SPTBN1: variants seen among roughly 807,000 people sequenced by gnomAD.
SPTBN1 encodes the protein spectrin beta, non-erythrocytic 1, also known as spectrin beta chain, non-erythrocytic 1.
In SPTBN1, 32 loss-of-function variants were observed where a neutral mutation model predicts 266.4. That is an observed-to-expected ratio of 0.12 (90% CI 0.09 to 0.16). The LOEUF is 0.16. SPTBN1 is among the 10% of genes least tolerant of loss of function. The pLI is 1.00. For synonymous variants in SPTBN1, 1,336 were observed against 1,162.2 expected, an observed-to-expected ratio of 1.15 and a Z score of -3.04; for missense variants, 2,296 against 3,067.1, an observed-to-expected ratio of 0.75 and a Z score of 5.94.
chr2:54,584,113 G>A (rs189829723), intron 2 of SPTBN1, among the ~76,000 whole-genome samples: 78 of 152,190 alleles, frequency 5.1e-4, no homozygotes, highest in Admixed American at 2.8e-3. Context: ...ATATACATTC[G>A]TAGGATCATA....
At chr2:54,657,750 A>G (rs1374378795) in intron 29 of SPTBN1, 100 bp from the exon 30 acceptor site, 7 of 1,359,318 alleles carry the variant, frequency 5.1e-6, no homozygotes, top group Non-Finnish European at 6.2e-6. Flanking sequence ...CTGGTTATGC[A>G]GGTAGCCATC....
chr2:54,490,949 A>T (rs1260990700), intron 1 of SPTBN1, among the ~76,000 whole-genome samples: 1 of 152,206 alleles, frequency 6.6e-6, no homozygotes, highest in East Asian at 1.9e-4. Context: ...AAACTCTTGC[A>T]TGCCTTGAGA....
At chr2:54,479,491 T>G (rs1477325227) in intron 1 of SPTBN1, among the ~76,000 whole-genome samples, 2 of 152,306 alleles carry the variant, frequency 1.3e-5, no homozygotes, top group African/African-American at 4.8e-5. Context: ...GGTGAACACA[T>G]AATTTATTAT....
chr2:54,627,147 TC>T (rs1467147089), intron 12 of SPTBN1, among the ~76,000 whole-genome samples: 2 of 152,218 alleles, frequency 1.3e-5, no homozygotes, highest in African/African-American at 2.4e-5. Context: ...CTTGGACTGT[TC>T]CTGACAGAGG....
intron 2 of SPTBN1, among the ~76,000 whole-genome samples, chr2:54,532,203 C>G (rs56726104): frequency 1.3e-5 from 2 of 151,958 alleles, no homozygotes; most frequent in African/African-American, 4.8e-5. Flanking sequence ...ACAGGAGAAT[C>G]GGTTGAACCT....
intron 2 of SPTBN1, among the ~76,000 whole-genome samples, chr2:54,550,870 G>C (rs922544910): frequency 5.3e-5 from 8 of 152,178 alleles, no homozygotes; most frequent in African/African-American, 1.7e-4. Flanking sequence ...CCATGGATGG[G>C]GCTGAGAACG....
intron 2 of SPTBN1, among the ~76,000 whole-genome samples, chr2:54,542,272 A>C (rs1226276903): frequency 1.3e-5 from 2 of 152,250 alleles, no homozygotes; most frequent in Non-Finnish European, 2.9e-5. Context: ...AGGCCAAGCA[A>C]GCAGTGCCAT....
Position 54,653,436 on chromosome 2 carries a change from C to T in SPTBN1, c.5578-173C>T, listed in dbSNP as rs1680436361. On this transcript the variant is annotated intron_variant, in intron 26 of 35. Transcript: ENST00000356805. The surrounding 1 kb of genome is among the most constrained non-coding windows in gnomAD (Gnocchi z 5.1). ...TGTAGTTGAACAGATTTATAGAAAA[C>T]GGGTTTTTGTGACTTGGATCTCCCC... 10 of 947,610 alleles carry T rather than the reference C, an allele frequency of 1.1e-5. No individual in the cohort carries two copies. Among genetic ancestry groups the T allele is most frequent in the East Asian group, 2.6e-5 (1 of 38,342 alleles). 58.7% of individuals were successfully genotyped at this position (947,610 alleles called of 1,614,324 possible). A position where few individuals can be genotyped will look rare whatever the true frequency, so the allele number is the denominator to read the frequency against.
intron 2 of SPTBN1, among the ~76,000 whole-genome samples, chr2:54,531,581 G>A (rs1406274446): frequency 6.6e-6 from 1 of 151,698 alleles, no homozygotes; most frequent in East Asian, 1.9e-4. Flanking sequence ...GTGCCACAAA[G>A]CCTGGCTATA....
chr2:54,513,999 G>A (rs1005070933), intron 1 of SPTBN1, among the ~76,000 whole-genome samples: 3 of 152,198 alleles, frequency 2.0e-5, no homozygotes, highest in African/African-American at 7.2e-5. Flanking sequence ...AGTATTATAT[G>A]TAAGCGGAGA....
At chr2:54,462,212 T>G (rs1476574010) in intron 1 of SPTBN1, among the ~76,000 whole-genome samples, 8 of 152,254 alleles carry the variant, frequency 5.3e-5, no homozygotes, top group Non-Finnish European at 1.0e-4. Context: ...AGTTGTTTCC[T>G]TTCTGTTGGG....
intron 2 of SPTBN1, among the ~76,000 whole-genome samples, chr2:54,569,038 C>G (rs1161631375): frequency 1.3e-5 from 2 of 152,150 alleles, no homozygotes; most frequent in Admixed American, 1.3e-4. Flanking sequence ...TGTGAAATAT[C>G]TGTTACATGG....
At chr2:54,665,892 G>T (rs769209314) in intron 33 of SPTBN1, 23 bp from the exon 34 acceptor site, 12 of 1,596,372 alleles carry the variant, frequency 7.5e-6, no homozygotes, top group Non-Finnish European at 3.4e-6. Flanking sequence ...ATCTCCCCCT[G>T]CCCTTTTTTT....
chr2:54,593,089 C>T (rs1675797359), intron 2 of SPTBN1, among the ~76,000 whole-genome samples: 1 of 152,200 alleles, frequency 6.6e-6, no homozygotes, highest in Admixed American at 6.5e-5. Context: ...TTTACTCCTT[C>T]TGGGAATCAG....
Position 54,629,407 on chromosome 2 carries a change from C to T in SPTBN1, c.2273C>T (p.Ala758Val). 1.9e-6 allele frequency: 3 copies of T among 1,614,162 alleles called. No homozygotes were observed. Among genetic ancestry groups the T allele is most frequent in the Non-Finnish European group, 2.5e-6 (3 of 1,180,048 alleles). Residue 758 changes from alanine (A) to valine (V), a missense_variant, in exon 14 of 36, where the codon GCC becomes GTC. Ala to Val is a moderately conservative substitution (Grantham distance 64). Transcript: ENST00000356805. ...CAGGCAGATGCTGATGACATTGATG[C>T]CTGGATGCTGGACATCCTCAAGATT... The part of the protein sequence containing the change: ...QFQADADDID[A>V]WMLDILKIVS...
chr2:54,637,630 C>A, intron 17 of SPTBN1, 83 bp from the exon 18 acceptor site: 2 of 1,108,414 alleles, frequency 1.8e-6, no homozygotes, highest in Non-Finnish European at 2.7e-6. Context: ...GTTAGGAATT[C>A]AGGAAATAAA....
At chr2:54,578,598 A>T (rs992542888) in intron 2 of SPTBN1, among the ~76,000 whole-genome samples, 4 of 152,184 alleles carry the variant, frequency 2.6e-5, no homozygotes, top group Non-Finnish European at 5.9e-5. Flanking sequence ...GTTCAGCCTT[A>T]CTTGTATCCT....
At chr2:54,560,039 G>A (rs921067424) in intron 2 of SPTBN1, among the ~76,000 whole-genome samples, 11 of 152,280 alleles carry the variant, frequency 7.2e-5, no homozygotes, top group African/African-American at 2.2e-4. Context: ...CATTCCTCTG[G>A]CAGTTAGCTC....
intron 1 of SPTBN1, among the ~76,000 whole-genome samples, chr2:54,505,714 C>T (rs957306811): frequency 2.6e-5 from 4 of 152,156 alleles, no homozygotes; most frequent in Non-Finnish European, 4.4e-5. Context: ...TTTAACTTGG[C>T]GTCTAACAGT....
Sources: gnomAD v4.1 joint callset for allele counts (sites outside exome capture counted in the v4.1 genomes callset) on GRCh38, gnomAD v4.1.1 for gene constraint, Gnocchi (gnomAD v3.1) non-coding constraint, MANE v1.5 for transcripts, NCBI Gene and HGNC (gene_info 2026-07-23, HGNC 2026-07-21) for gene names.